Variants in ATP2A3 observed in about 807,000 individuals in gnomAD.
The protein encoded by ATP2A3 is sarcoplasmic/endoplasmic reticulum calcium ATPase 3.
In ATP2A3, 61 loss-of-function variants were observed where a neutral mutation model predicts 106.8. The ratio of observed to expected loss-of-function variants is 0.57; its 90% CI spans 0.46 to 0.71. The LOEUF (loss-of-function observed/expected upper bound fraction) is 0.71. Among genes scored for constraint, ATP2A3 ranks in the 30% least tolerant of loss-of-function variants. ATP2A3 has a pLI of 0.00. For missense variants in ATP2A3, 1,201 were observed against 1,423.5 expected (o/e 0.84, Z 2.52); for synonymous variants, 611 against 609.3 (o/e 1.00, Z -0.04).
intron 1 of ATP2A3, among the ~76,000 whole-genome samples, chr17:3,958,262 GCGTAGCA>G (rs1400758629): frequency 6.6e-6 from 1 of 152,230 alleles, no homozygotes; most frequent in African/African-American, 2.4e-5. Context: ...CACTTGGAAT[GCGTAGCA>G]CACAGTGAAC....
At position 3,930,558 on chromosome 17, in the gene ATP2A3, C is replaced by G; in HGVS notation, c.2611-124G>C. 15 of 835,982 alleles carry G rather than the reference C, an allele frequency of 1.8e-5. No homozygotes were observed. Among genetic ancestry groups the G allele is most frequent in the East Asian group, 1.2e-4 (2 of 16,956 alleles). 51.8% of individuals were successfully genotyped at this position (835,982 alleles called of 1,614,324 possible). A position where few individuals can be genotyped will look rare whatever the true frequency, so the allele number is the denominator to read the frequency against. On this transcript the variant is annotated intron_variant, in intron 17 of 20. Transcript: ENST00000397041. The surrounding 1 kb of genome is among the most constrained non-coding windows in gnomAD (Gnocchi z 5.4). ...GCACAACCAGCACACAAAACACTGC[C>G]GTGGGGTGGGCTGGGGATCCCGGGA...
chr17:3,928,598 C>T lies in ATP2A3; in HGVS notation c.2980+65G>A. 1.4e-6 allele frequency: 2 copies of T among 1,401,296 alleles called. No homozygotes were observed. Among genetic ancestry groups the T allele is most frequent in the East Asian group, 5.0e-5 (2 of 40,170 alleles). The allele number at this position is 1,401,296 out of a possible 1,614,324, so 86.8% of individuals were successfully genotyped here. ...CTGCGCTCCACACCCACAGCGTCCA[C>T]TGCAGCCCAGGAGCAGAGGCGGGCG... On this transcript the variant is annotated intron_variant, in intron 20 of 20. Coordinates refer to ENST00000397041, the MANE Select transcript of ATP2A3 (RefSeq NM_005173.4). This position sits in a 1 kb window ranked among gnomAD's most constrained non-coding sequence, Gnocchi z 6.1.
chr17:3,929,920 C>A lies in ATP2A3; in HGVS notation c.2744+381G>T, dbSNP rs936363218. 4.0e-5 allele frequency among the ~76,000 whole-genome samples: 6 copies of A among 151,694 alleles called. No homozygotes were observed. The East Asian group carries it at 7.8e-4, about 20-fold the overall frequency. ...CCCTCTGATCCCAATCCTGAACCCC[C>A]CAAACATCAGACCCCAACCTGAACC... On this transcript the variant is annotated intron_variant, in intron 18 of 20. Coordinates refer to ENST00000397041, the MANE Select transcript of ATP2A3 (RefSeq NM_005173.4). The surrounding 1 kb of genome is among the most constrained non-coding windows in gnomAD (Gnocchi z 4.3).
At chr17:3,942,558 G>C (rs1477100053) in intron 12 of ATP2A3, 48 bp downstream of exon 12, 1 of 1,597,088 alleles carries the variant, frequency 6.3e-7, no homozygotes, top group African/African-American at 1.3e-5. Flanking sequence ...TGGATGACCA[G>C]GTTCCCCAGG....
rs751754378 is a variant in ATP2A3 at position 3,964,136 on chromosome 17, G to A, written c.118+38C>T. The A allele has an allele frequency of 8.5e-6, 9 of 1,057,376 alleles. No individual in the cohort carries two copies. The South Asian group carries it at 2.5e-4, about 30-fold the overall frequency. 65.5% of individuals were successfully genotyped at this position (1,057,376 alleles called of 1,614,324 possible). ...GGAAACTGAGACTGCGGCGCGCGCG[G>A]CCCCCGCTCCCCGGCCCGGCCCGGC... On this transcript the variant is annotated intron_variant, in intron 1 of 20. Transcript: ENST00000397041.
At chr17:3,954,457 T>A (rs1044054453) in intron 1 of ATP2A3, among the ~76,000 whole-genome samples, 1 of 141,834 alleles carries the variant, frequency 7.1e-6, no homozygotes, top group African/African-American at 2.6e-5. Flanking sequence ...AAGAACACTG[T>A]TTCCAAACTC....
chr17:3,931,320 C>G (rs1036091150), intron 17 of ATP2A3, among the ~76,000 whole-genome samples: 2 of 152,024 alleles, frequency 1.3e-5, no homozygotes, highest in South Asian at 2.1e-4. Context: ...CCCCTATAGC[C>G]TCAGGGGAGT....
At chr17:3,935,121 A>T (rs2053357301) in intron 17 of ATP2A3, 71 bp downstream of exon 17, 2 of 1,505,738 alleles carry the variant, frequency 1.3e-6, no homozygotes, top group Non-Finnish European at 1.8e-6. Flanking sequence ...GCGGCTCTAG[A>T]CCCATCTCCC....
chr17:3,931,523 CTT>C (rs368874628), intron 17 of ATP2A3, among the ~76,000 whole-genome samples: 47 of 140,314 alleles, frequency 3.3e-4, no homozygotes, highest in Non-Finnish European at 2.8e-4. Context: ...GATCTTTTTT[CTT>C]TTTTTTTTTT....
chr17:3,957,984 G>A (rs2054879261), intron 1 of ATP2A3, among the ~76,000 whole-genome samples: 1 of 152,182 alleles, frequency 6.6e-6, no homozygotes, highest in Non-Finnish European at 1.5e-5. Flanking sequence ...AGACTGAGAG[G>A]GCCTGTGTTC....
At chr17:3,951,513 C>G in intron 4 of ATP2A3, 68 bp downstream of exon 4, 3 of 1,563,360 alleles carry the variant, frequency 1.9e-6, no homozygotes, top group Non-Finnish European at 2.6e-6. Flanking sequence ...ACGCCAGCAC[C>G]AGGTGGAGGG....
At chr17:3,939,962 T>C (rs995281250) in intron 14 of ATP2A3, among the ~76,000 whole-genome samples, 1 of 150,304 alleles carries the variant, frequency 6.7e-6, no homozygotes, top group Non-Finnish European at 1.5e-5. Context: ...ATCGCCTGTT[T>C]TGCGACGAAG....
chr17:3,925,088 G>C lies in ATP2A3; in HGVS notation c.*334C>G, dbSNP rs547053193. 415 of 515,050 alleles carry C rather than the reference G, an allele frequency of 8.1e-4. 6 individuals are homozygous for C. The highest frequency in any genetic ancestry group is 7.5e-3 in the African/African-American group (366 of 48,924). 31.9% of individuals were successfully genotyped at this position (515,050 alleles called of 1,614,324 possible). On this transcript the variant is annotated 3_prime_UTR_variant, in exon 21 of 21. Transcript: ENST00000397041. This position sits in a 1 kb window ranked among gnomAD's most constrained non-coding sequence, Gnocchi z 4.2. ...CCAGCTGCACTCGTGATTTGGGGGTGGGGGGGCCCCGGATCTCTGGGTATG... is the reference window on the plus strand; with the variant it reads ...CCAGCTGCACTCGTGATTTGGGGGTCGGGGGGCCCCGGATCTCTGGGTATG...
Position 3,928,966 on chromosome 17 carries a change from AC to A in ATP2A3, c.2863-187del, listed in dbSNP as rs1477224749. Among the ~76,000 whole-genome samples the A allele has an allele frequency of 1.5e-5, 2 of 136,524 alleles. No individual in the cohort carries two copies. Among genetic ancestry groups the A allele is most frequent in the Non-Finnish European group, 3.1e-5 (2 of 65,524 alleles). 89.6% of individuals were successfully genotyped at this position (136,524 alleles called of 152,430 possible). A position where few individuals can be genotyped will look rare whatever the true frequency, so the allele number is the denominator to read the frequency against. The stretch of plus-strand genomic sequence containing the variant: ...CCCCGATCTTTGTCTGTTCAGCTGC[AC>A]CCCCCAATCTTTGTCCGCTCAGCTT... On this transcript the variant is annotated intron_variant, in intron 19 of 20. Coordinates refer to ENST00000397041, the MANE Select transcript of ATP2A3 (RefSeq NM_005173.4). The surrounding 1 kb of genome is among the most constrained non-coding windows in gnomAD (Gnocchi z 6.1).
At position 3,930,669 on chromosome 17, in the gene ATP2A3, G is replaced by A. The variant is rs2053024681; in HGVS notation, c.2611-235C>T. The A allele has an allele frequency of 3.3e-6, 2 of 604,560 alleles. No individual in the cohort carries two copies. The highest frequency in any genetic ancestry group is 5.9e-6 in the Non-Finnish European group (2 of 337,942). 37.4% of individuals were successfully genotyped at this position (604,560 alleles called of 1,614,324 possible). On this transcript the variant is annotated intron_variant, in intron 17 of 20. Coordinates refer to ENST00000397041, the MANE Select transcript of ATP2A3 (RefSeq NM_005173.4). The surrounding 1 kb of genome is among the most constrained non-coding windows in gnomAD (Gnocchi z 5.4). ...ACAGCGTGGGAAAGGCAGACGTTCT[G>A]GAGCAGGAGTGCAGCGGCTCAGAAG...
At chr17:3,950,396 TCA>T (rs2144630172) in intron 7 of ATP2A3, 113 bp downstream of exon 7, 1 of 1,088,294 alleles carries the variant, frequency 9.2e-7, no homozygotes, top group African/African-American at 1.5e-5. Flanking sequence ...ACTCCTGACC[TCA>T]GGTGATCCAC....
At chr17:3,939,778 ACT>A (rs1466575455) in intron 14 of ATP2A3, among the ~76,000 whole-genome samples, 5 of 105,482 alleles carry the variant, frequency 4.7e-5, no homozygotes, top group African/African-American at 2.1e-4. Context: ...ACAGAGCGAG[ACT>A]CTGTCTAAAA....
chr17:3,940,967 T>G lies in ATP2A3; in HGVS notation c.2100+4A>C. ...CCTCCTGGGGCTCCAGGCTGTGGCCTCACCATAGCAGTGATCTCGTTAAAG... is the reference window on the plus strand; with the variant it reads ...CCTCCTGGGGCTCCAGGCTGTGGCCGCACCATAGCAGTGATCTCGTTAAAG... On this transcript the variant is annotated splice_donor_region_variant and intron_variant, in intron 14 of 20. Coordinates refer to ENST00000397041, the MANE Select transcript of ATP2A3 (RefSeq NM_005173.4). The G allele has an allele frequency of 6.2e-7, 1 of 1,613,846 alleles. No individual in the cohort carries two copies. The highest frequency in any genetic ancestry group is 1.1e-5 in the South Asian group (1 of 91,082).
In ATP2A3 at chr17:3,930,483, C is replaced by A; in HGVS notation, c.2611-49G>T. 1.3e-6 allele frequency: 2 copies of A among 1,592,322 alleles called. No homozygotes were observed. The highest frequency in any genetic ancestry group is 1.7e-6 in the Non-Finnish European group (2 of 1,169,214). ...AGAGAGCGGCAGGTCAGGCGAGGGG[C>A]TGGTGGGTGGGAGGAGGGAAGCCTC... On this transcript the variant is annotated intron_variant, in intron 17 of 20. Coordinates refer to ENST00000397041, the MANE Select transcript of ATP2A3 (RefSeq NM_005173.4). The surrounding 1 kb of genome is among the most constrained non-coding windows in gnomAD (Gnocchi z 5.4).
Sources: gnomAD v4.1 joint callset for allele counts (sites outside exome capture counted in the v4.1 genomes callset) on GRCh38, gnomAD v4.1.1 for gene constraint, Gnocchi (gnomAD v3.1) non-coding constraint, MANE v1.5 for transcripts, NCBI Gene and HGNC (gene_info 2026-07-23, HGNC 2026-07-21) for gene names.